Variants in EIF3H observed in about 807,000 individuals in gnomAD.
EIF3H encodes eukaryotic translation initiation factor 3 subunit H.
In EIF3H, 26 loss-of-function variants were observed where a neutral mutation model predicts 44.2. That is an observed-to-expected ratio of 0.59 (90% confidence interval 0.43 to 0.82). The LOEUF (loss-of-function observed/expected upper bound fraction) is 0.82. EIF3H is among the 40% of genes least tolerant of loss of function. The probability of loss-of-function intolerance (pLI) is 0.00; values close to 1 mark genes in which losing one functional copy is unlikely to be tolerated. For synonymous variants in EIF3H, 166 were observed against 151.9 expected, an observed-to-expected ratio of 1.09 and a Z score of -0.68; for missense variants, 359 against 432.8, an observed-to-expected ratio of 0.83 and a Z score of 1.51.
upstream of EIF3H, among the ~76,000 whole-genome samples, chr8:116,759,279 A>G (rs1264303453): frequency 1.3e-5 from 2 of 152,228 alleles, no homozygotes. Flanking sequence ...AGAGAGGCTG[A>G]TGAGGGCCTT....
In EIF3H at chr8:116,679,355, C is replaced by T. The variant is rs1336190874; in HGVS notation, c.290-20375G>A. 2.1e-4 allele frequency among the ~76,000 whole-genome samples: 15 copies of T among 71,230 alleles called. No individual in the cohort carries two copies. The East Asian group carries it at 5.0e-3, about 24-fold the overall frequency. The allele number at this position is 71,230 out of a possible 152,430, so 46.7% of individuals were successfully genotyped here. ...TCCGGGAGGAAGGTGGGGGGGTCAG[C>T]CCCCCGCCCGGTCAGCCCCCCGCCC... On this transcript the variant is annotated intron_variant, in intron 2 of 7. Coordinates refer to ENST00000521861, the MANE Select transcript of EIF3H (RefSeq NM_003756.3).
At chr8:116,747,183 C>T (rs1815252487) in intron 1 of EIF3H, among the ~76,000 whole-genome samples, 1 of 152,114 alleles carries the variant, frequency 6.6e-6, no homozygotes, top group Non-Finnish European at 1.5e-5. Flanking sequence ...CTGCCTCAGC[C>T]TCCTGAGTAA....
At chr8:116,755,850 A>G (rs563742431), upstream of EIF3H, 2 of 1,602,668 alleles carry the variant, frequency 1.2e-6, no homozygotes, top group East Asian at 4.5e-5. Flanking sequence ...AAGCGGAAGT[A>G]CAAGTCTCGC....
chr8:116,648,778 G>A (rs777234941), intron 6 of EIF3H, 28 bp downstream of exon 6: 9 of 1,554,820 alleles, frequency 5.8e-6, no homozygotes, highest in Middle Eastern at 1.7e-4. Context: ...AGAAATAGCT[G>A]TTTGTTGAAT....
chr8:116,744,184 G>C (rs964644318), intron 1 of EIF3H, among the ~76,000 whole-genome samples: 3 of 147,194 alleles, frequency 2.0e-5, no homozygotes, highest in Non-Finnish European at 4.5e-5. Flanking sequence ...ATCAGATGGC[G>C]ACAGGGAGAG....
Position 116,673,516 on chromosome 8 carries a change from CTG to C in EIF3H, c.290-14538_290-14537del, listed in dbSNP as rs545118625. Among the ~76,000 whole-genome samples the C allele has an allele frequency of 6.0e-3, 919 of 152,162 alleles. 6 individuals carry two copies. The highest frequency in any genetic ancestry group is 0.02 in the African/African-American group (843 of 41,510). On this transcript the variant is annotated intron_variant, in intron 2 of 7. Transcript: ENST00000521861. ...GTATGATAACCTAAATGTTAAAAAA[CTG>C]TGATATTTTTGCTCAGAAATAATGC...
intron 2 of EIF3H, among the ~76,000 whole-genome samples, chr8:116,714,401 A>G (rs1247267596): frequency 6.6e-6 from 1 of 151,958 alleles, no homozygotes; most frequent in Non-Finnish European, 1.5e-5. Flanking sequence ...CTGTTTTACA[A>G]TTTTTTTATG....
chr8:116,726,245 A>T (rs1563654253), intron 1 of EIF3H, 73 bp from the exon 2 acceptor site: 2 of 1,490,882 alleles, frequency 1.3e-6, no homozygotes, highest in Non-Finnish European at 1.8e-6. Context: ...CTAAGAAAAA[A>T]CAAAAGAAAC....
intron 2 of EIF3H, among the ~76,000 whole-genome samples, chr8:116,713,904 C>CAT (rs1814616389): frequency 6.6e-6 from 1 of 152,034 alleles, no homozygotes; most frequent in African/African-American, 2.4e-5. Flanking sequence ...TACCTGCATA[C>CAT]ATAATGCTTC....
intron 2 of EIF3H, among the ~76,000 whole-genome samples, chr8:116,679,212 T>G (rs1586450747): frequency 7.6e-5 from 4 of 52,334 alleles, no homozygotes; most frequent in African/African-American, 2.1e-4. Flanking sequence ...GTCCGGGAGG[T>G]GAGGGGCGCC....
chr8:116,731,462 T>C (rs1814949087), intron 1 of EIF3H, among the ~76,000 whole-genome samples: 1 of 152,222 alleles, frequency 6.6e-6, no homozygotes, highest in South Asian at 2.1e-4. Context: ...TTTTGTTTTG[T>C]TGTAACTCCT....
At chr8:116,763,482 T>C (rs768517033) in intron 1 of EIF3H, among the ~76,000 whole-genome samples, 6 of 152,220 alleles carry the variant, frequency 3.9e-5, no homozygotes, top group Non-Finnish European at 7.4e-5. Flanking sequence ...ATTTTAAAGA[T>C]TATTTTAAAA....
chr8:116,737,377 T>C (rs1453464509), intron 1 of EIF3H: 1 of 406,972 alleles, frequency 2.5e-6, no homozygotes, highest in African/African-American at 2.1e-5. Flanking sequence ...TTAATAGGGC[T>C]GGGCGCAGTG....
intron 2 of EIF3H, among the ~76,000 whole-genome samples, chr8:116,697,429 C>T: frequency 6.6e-6 from 1 of 152,202 alleles, no homozygotes; most frequent in Admixed American, 6.5e-5. Flanking sequence ...TGTTTTACTA[C>T]CTACATCTTC....
At chr8:116,708,996 A>T (rs1441386550) in intron 2 of EIF3H, among the ~76,000 whole-genome samples, 1 of 142,692 alleles carries the variant, frequency 7.0e-6, no homozygotes, top group Non-Finnish European at 1.5e-5. Flanking sequence ...GCCTTTCTTT[A>T]AAAAAAAAAA....
intron 2 of EIF3H, among the ~76,000 whole-genome samples, chr8:116,700,021 G>T (rs913528596): frequency 1.3e-5 from 2 of 152,218 alleles, no homozygotes; most frequent in African/African-American, 4.8e-5. Context: ...GGTCAGGATG[G>T]TCTCAAACTC....
At position 116,740,172 on chromosome 8, in the gene EIF3H, C is replaced by A. The variant is rs149702815; in HGVS notation, c.133-14000G>T. ...TTTACAGAATCAGTAACATTAAGCA[C>A]GTAAACAGTTATTTCCCAACTCCCA... On this transcript the variant is annotated intron_variant, in intron 1 of 7. Coordinates refer to ENST00000521861, the MANE Select transcript of EIF3H (RefSeq NM_003756.3). Among the ~76,000 whole-genome samples, 214 of 152,316 alleles carry A rather than the reference C, an allele frequency of 1.4e-3. 1 individual carries two copies. Among genetic ancestry groups the A allele is most frequent in the Middle Eastern group, 6.8e-3 (2 of 294 alleles).
chr8:116,677,048 CAAGGA>C lies in EIF3H; in HGVS notation c.290-18073_290-18069del, dbSNP rs775017788. Among the ~76,000 whole-genome samples, 6 of 152,122 alleles carry C rather than the reference CAAGGA, an allele frequency of 3.9e-5. No homozygotes were observed. In the East Asian group the frequency reaches 1.2e-3, roughly 29 times the overall value. ...ATTTATCCAGCATAATTAAGAATAT[CAAGGA>C]AAGGGGAGAAATTCCTGATAGCAAT... On this transcript the variant is annotated intron_variant, in intron 2 of 7. Coordinates refer to ENST00000521861, the MANE Select transcript of EIF3H (RefSeq NM_003756.3).
chr8:116,703,272 C>T (rs192379585), intron 2 of EIF3H, among the ~76,000 whole-genome samples: 129 of 152,146 alleles, frequency 8.5e-4, no homozygotes, highest in Non-Finnish European at 1.6e-3. Flanking sequence ...ACCAGAAGAC[C>T]GGGACAGGGC....
Sources: gnomAD v4.1 joint callset for allele counts (sites outside exome capture counted in the v4.1 genomes callset) on GRCh38, gnomAD v4.1.1 for gene constraint, MANE v1.5 for transcripts, NCBI Gene and HGNC (gene_info 2026-07-23, HGNC 2026-07-21) for gene names.